ARHGEF38: variants seen among roughly 807,000 people sequenced by gnomAD.
The protein encoded by ARHGEF38 is Rho guanine nucleotide exchange factor 38.
ARHGEF38 carries 79 observed loss-of-function variants against 79.9 expected under a neutral mutation model. The observed-to-expected ratio is 0.99, with a 90% confidence interval of 0.82 to 1.19. ARHGEF38 has a LOEUF of 1.19. ARHGEF38 is among the 50% of genes most tolerant of loss of function. The probability of loss-of-function intolerance (pLI) is 0.00; values close to 1 mark genes in which losing one functional copy is unlikely to be tolerated. For missense variants in ARHGEF38, 962 were observed against 907.2 expected, an observed-to-expected ratio of 1.06 and a Z score of -0.78; for synonymous variants, 366 against 328.3, an observed-to-expected ratio of 1.11 and a Z score of -1.24.
chr4:105,661,912 A>G (rs1250981589), intron 10 of ARHGEF38, among the ~76,000 whole-genome samples: 3 of 152,006 alleles, frequency 2.0e-5, no homozygotes, highest in African/African-American at 7.2e-5. Flanking sequence ...ACGTTTTTTT[A>G]TTACAAATAA....
intron 1 of ARHGEF38, among the ~76,000 whole-genome samples, chr4:105,561,439 A>AATGGAATGGAATGGAATGGAATG (rs1560684419): frequency 2.2e-4 from 10 of 44,698 alleles, no homozygotes; most frequent in African/African-American, 8.9e-4. Context: ...AGAATAGAAT[A>AATGGAATGGAATGGAATGGAATG]GAATAGAATG....
intron 13 of ARHGEF38, among the ~76,000 whole-genome samples, chr4:105,668,723 A>G (rs918718682): frequency 6.6e-6 from 1 of 152,122 alleles, no homozygotes; most frequent in Non-Finnish European, 1.5e-5. Context: ...ATAGATAGAT[A>G]GAGAAGTTAA....
chr4:105,567,376 T>C (rs1291813343), intron 1 of ARHGEF38, among the ~76,000 whole-genome samples: 3 of 152,218 alleles, frequency 2.0e-5, no homozygotes, highest in Non-Finnish European at 4.4e-5. Context: ...CTTGACTTTA[T>C]AAAATTATGT....
At chr4:105,612,348 T>C (rs537296936) in intron 2 of ARHGEF38, among the ~76,000 whole-genome samples, 16 of 152,268 alleles carry the variant, frequency 1.1e-4, no homozygotes, top group Admixed American at 9.8e-4. Flanking sequence ...TCTCTGTCTC[T>C]TTCATTTCCC....
intron 9 of ARHGEF38, among the ~76,000 whole-genome samples, chr4:105,656,009 G>A (rs1437353131): frequency 1.3e-5 from 2 of 152,166 alleles, no homozygotes; most frequent in Admixed American, 6.5e-5. Context: ...AAGTCTGCAT[G>A]TGAAATATTA....
At chr4:105,585,794 C>T (rs1359166898) in intron 1 of ARHGEF38, among the ~76,000 whole-genome samples, 4 of 114,086 alleles carry the variant, frequency 3.5e-5, no homozygotes, top group Non-Finnish European at 6.5e-5. Flanking sequence ...TGCAATGGCA[C>T]TATCTCGGCT....
rs184949196 is a variant in ARHGEF38, at chr4:105,575,737, A to T, written c.197-13511A>T. 2.5e-3 allele frequency among the ~76,000 whole-genome samples: 374 copies of T among 152,210 alleles called. 2 individuals are homozygous for T. Among genetic ancestry groups the T allele is most frequent in the Middle Eastern group, 0.014 (4 of 294 alleles). On this transcript the variant is annotated intron_variant, in intron 1 of 13. Transcript: ENST00000420470. ...AAATACTTTGCCTAGGCCAACGTCC[A>T]GAAGAGTTTTTTCAAAGTTATCTTC...
chr4:105,680,012 A>G lies in ARHGEF38; in HGVS notation c.*2075A>G. 2 of 1,034,032 alleles carry G rather than the reference A, an allele frequency of 1.9e-6. No individual in the cohort carries two copies. Among genetic ancestry groups the G allele is most frequent in the African/African-American group, 1.6e-5 (1 of 63,820 alleles). The allele number at this position is 1,034,032 out of a possible 1,614,324, so 64.1% of individuals were successfully genotyped here. A position where few individuals can be genotyped will look rare whatever the true frequency, so the allele number is the denominator to read the frequency against. On this transcript the variant is annotated 3_prime_UTR_variant, in exon 14 of 14. Coordinates refer to ENST00000420470, the MANE Select transcript of ARHGEF38 (RefSeq NM_001242729.2). ...AGTGCATTCTGTTTTGTGCGGATTC[A>G]TGGCCATGTCAGTTACATTCTTCTT...
At chr4:105,581,696 C>A (rs1035042698) in intron 1 of ARHGEF38, among the ~76,000 whole-genome samples, 1 of 152,012 alleles carries the variant, frequency 6.6e-6, no homozygotes, top group Non-Finnish European at 1.5e-5. Flanking sequence ...TCTCTTGTTT[C>A]TTGCTTATAA....
chr4:105,643,338 T>C (rs1729700352), intron 5 of ARHGEF38, among the ~76,000 whole-genome samples: 1 of 152,090 alleles, frequency 6.6e-6, no homozygotes, highest in Non-Finnish European at 1.5e-5. Flanking sequence ...TCTTCCTTAA[T>C]AGATTTGGTG....
chr4:105,655,714 C>A lies in ARHGEF38; in HGVS notation c.1225C>A (p.His409Asn). The stretch of plus-strand genomic sequence containing the variant: ...CCTAAGTAATGCCTTAAATTCGTGT[C>A]ATGACTTTGTAAGTTATTTATATTC... ...ETLSNALNSCHDFASHLQRLI... is the reference protein window; with the variant it reads ...ETLSNALNSCNDFASHLQRLI... The change falls in exon 9 of 14, where the codon CAT (histidine) becomes AAT (asparagine). Residue 409 changes from histidine (H) to asparagine (N), a missense_variant. Coordinates refer to ENST00000420470, the MANE Select transcript of ARHGEF38 (RefSeq NM_001242729.2). 6.5e-7 allele frequency: 1 copy of A among 1,534,332 alleles called. No individual in the cohort carries two copies. The highest frequency in any genetic ancestry group is 8.7e-7 in the Non-Finnish European group (1 of 1,146,042).
At chr4:105,662,524 G>A (rs961494225) in intron 10 of ARHGEF38, among the ~76,000 whole-genome samples, 3 of 151,398 alleles carry the variant, frequency 2.0e-5, no homozygotes, top group African/African-American at 7.3e-5. Flanking sequence ...GTATATTTAG[G>A]GTTTCATATT....
At chr4:105,561,424 G>GGAATA (rs1725544021) in intron 1 of ARHGEF38, among the ~76,000 whole-genome samples, 1 of 53,002 alleles carries the variant, frequency 1.9e-5, no homozygotes, top group Admixed American at 2.2e-4. Flanking sequence ...AGAATAGAAT[G>GGAATA]GAATAGAATA....
chr4:105,589,451 A>G lies in ARHGEF38; in HGVS notation c.384+16A>G. The G allele has an allele frequency of 6.3e-7, 1 of 1,592,378 alleles. No homozygotes were observed. Among genetic ancestry groups the G allele is most frequent in the Non-Finnish European group, 8.5e-7 (1 of 1,171,998 alleles). On this transcript the variant is annotated intron_variant, in intron 2 of 13. Coordinates refer to ENST00000420470, the MANE Select transcript of ARHGEF38 (RefSeq NM_001242729.2). ...AAATAAAAAGGTAAATATATATTTG[A>G]GATTTTTTTTTCTCTCCCATATCAT...
intron 2 of ARHGEF38, among the ~76,000 whole-genome samples, chr4:105,603,382 G>A (rs1727906374): frequency 6.6e-6 from 1 of 152,088 alleles, no homozygotes; most frequent in African/African-American, 2.4e-5. Context: ...CCCTCGGGAG[G>A]ATGGGTGAGG....
intron 6 of ARHGEF38, 107 bp from the exon 7 acceptor site, chr4:105,648,442 A>G: frequency 9.5e-7 from 1 of 1,054,582 alleles, no homozygotes; most frequent in South Asian, 2.1e-5. Context: ...CAAAAATCAT[A>G]TACATATTTA....
At chr4:105,644,493 A>C (rs1427312045) in intron 5 of ARHGEF38, among the ~76,000 whole-genome samples, 2 of 152,164 alleles carry the variant, frequency 1.3e-5, no homozygotes, top group Admixed American at 1.3e-4. Context: ...AACGGCTCCA[A>C]CTTCGTCTCA....
intron 1 of ARHGEF38, among the ~76,000 whole-genome samples, chr4:105,562,002 A>T (rs531738663): frequency 6.6e-6 from 1 of 151,500 alleles, no homozygotes; most frequent in African/African-American, 2.4e-5. Flanking sequence ...GTGTAGATTC[A>T]TCTCTGTGTC....
chr4:105,677,034 G>T (rs975724906), intron 13 of ARHGEF38, among the ~76,000 whole-genome samples: 2 of 151,706 alleles, frequency 1.3e-5, no homozygotes, highest in African/African-American at 4.8e-5. Context: ...CGCGATCTCG[G>T]CTCACTGCAA....
Sources: allele counts gnomAD v4.1 joint callset (sites outside exome capture counted in the v4.1 genomes callset), GRCh38; gene constraint gnomAD v4.1.1; transcripts MANE v1.5; gene names NCBI Gene and HGNC (gene_info 2026-07-23, HGNC 2026-07-21).